TCP10L: variants seen among roughly 807,000 people sequenced by gnomAD.
The protein encoded by TCP10L is T-complex protein 10A homolog 1.
Under a neutral mutation model 19.2 loss-of-function variants are expected in TCP10L, and 11 were observed. The ratio of observed to expected loss-of-function variants is 0.57; its 90% confidence interval spans 0.36 to 0.95. TCP10L has a LOEUF of 0.95. Among genes scored for constraint, TCP10L ranks in the 40% least tolerant of loss-of-function variants. TCP10L has a pLI of 0.01. For synonymous variants in TCP10L, 96 were observed against 97.2 expected, an observed-to-expected ratio of 0.99 and a Z score of 0.07; for missense variants, 247 against 263.9, an observed-to-expected ratio of 0.94 and a Z score of 0.44.
At chr21:32,585,322 T>C (rs7279971) in intron 1 of TCP10L, 99 bp downstream of exon 1, 36,244 of 279,498 alleles carry the variant, frequency 0.13, 3,040 homozygotes, top group African/African-American at 0.25. Context: ...CCTGCTCCTC[T>C]GAGGGGACAC....
Position 32,584,211 on chromosome 21 carries a change from C to A in TCP10L, c.94G>T (p.Ala32Ser), listed in dbSNP as rs764508522. 4.3e-6 allele frequency: 7 copies of A among 1,614,142 alleles called. No individual in the cohort carries two copies. The highest frequency in any genetic ancestry group is 1.7e-4 in the Middle Eastern group (1 of 6,058). ...TCCGTGAGAACCTCGGCTGCCACAGCTGTCTTCTCCATGACAGCCCCAGCT... is the reference window on the plus strand; with the variant it reads ...TCCGTGAGAACCTCGGCTGCCACAGATGTCTTCTCCATGACAGCCCCAGCT... ...PGAGAVMEKT[A>S]VAAEVLTEDC... The change falls in exon 2 of 5, where the codon GCT becomes TCT. Residue 32 changes from alanine to serine, a missense_variant. Transcript: ENST00000300258.
chr21:32,580,830 T>C (rs2038485872), intron 3 of TCP10L, among the ~76,000 whole-genome samples: 1 of 152,162 alleles, frequency 6.6e-6, no homozygotes, highest in South Asian at 2.1e-4. Context: ...CAGTGTTCTG[T>C]AGAGGCAGGC....
intron 3 of TCP10L, among the ~76,000 whole-genome samples, chr21:32,580,179 C>T (rs1035992726): frequency 3.3e-5 from 5 of 152,080 alleles, no homozygotes; most frequent in African/African-American, 1.2e-4. Context: ...GATCTCGGCT[C>T]ACTGCAAGCT....
chr21:32,584,972 G>A (rs530452451), intron 1 of TCP10L, among the ~76,000 whole-genome samples: 1 of 152,168 alleles, frequency 6.6e-6, no homozygotes, highest in African/African-American at 2.4e-5. Context: ...AAAAACGAAA[G>A]AGAAAAACGC....
rs371645568 is a variant in TCP10L, at chr21:32,584,282, G to A, written c.23C>T (p.Ala8Val). The A allele has an allele frequency of 6.2e-7, 1 of 1,613,736 alleles. No homozygotes were observed. Among genetic ancestry groups the A allele is most frequent in the African/African-American group, 1.3e-5 (1 of 74,904 alleles). MLAGQLE[A>V]RDPKEGTHPE... ...GTGGGTGCCCTCTTTGGGGTCCCTGGCCTCGAGTTGACCTGCCAGCATCCT... is the reference window on the plus strand; with the variant it reads ...GTGGGTGCCCTCTTTGGGGTCCCTGACCTCGAGTTGACCTGCCAGCATCCT... The change falls in exon 2 of 5, where the codon GCC becomes GTC. Residue 8 changes from alanine to valine, a missense_variant. Physicochemically the swap from Ala to Val is moderately conservative, Grantham distance 64. Transcript: ENST00000300258.
chr21:32,576,784 C>G lies in TCP10L; in HGVS notation c.638G>C (p.Gly213Ala), dbSNP rs1262960416. ...GRPTPCAERR[G>A]GV The stretch of plus-strand genomic sequence containing the variant: ...GCCACCTTTCCATCTTCAGACACCC[C>G]CCCGTCTCTCTGCACAGGGAGTTGG... The change falls in exon 5 of 5, where the codon GGG becomes GCG. Residue 213 changes from glycine (G) to alanine (A), a missense_variant. Coordinates refer to ENST00000300258, the MANE Select transcript of TCP10L (RefSeq NM_144659.7). The G allele has an allele frequency of 5.6e-6, 9 of 1,613,312 alleles. No homozygotes were observed. Among genetic ancestry groups the G allele is most frequent in the Non-Finnish European group, 7.6e-6 (9 of 1,179,828 alleles).
intron 3 of TCP10L, among the ~76,000 whole-genome samples, chr21:32,581,679 G>A (rs929268837): frequency 5.3e-5 from 8 of 152,124 alleles, no homozygotes; most frequent in African/African-American, 1.7e-4. Flanking sequence ...AACTTTTCCC[G>A]TTTCAACAGG....
chr21:32,576,137 C>A lies in TCP10L; in HGVS notation c.*637G>T. On this transcript the variant is annotated 3_prime_UTR_variant, in exon 5 of 5. Coordinates refer to ENST00000300258, the MANE Select transcript of TCP10L (RefSeq NM_144659.7). ...CATGTCCTTGCCATAGTAAGATGTT[C>A]TGCTCACGCGTATCCACGAGAAAGC... 1.2e-6 allele frequency: 1 copy of A among 850,726 alleles called. No individual in the cohort carries two copies. The allele number at this position is 850,726 out of a possible 1,614,324, so 52.7% of individuals were successfully genotyped here.
Position 32,576,462 on chromosome 21 carries a change from C to A in TCP10L, c.*312G>T. 2 of 655,436 alleles carry A rather than the reference C, an allele frequency of 3.1e-6. No individual in the cohort carries two copies. Among genetic ancestry groups the A allele is most frequent in the Non-Finnish European group, 5.1e-6 (2 of 390,848 alleles). 40.6% of individuals were successfully genotyped at this position (655,436 alleles called of 1,614,324 possible). On this transcript the variant is annotated 3_prime_UTR_variant, in exon 5 of 5. Transcript: ENST00000300258. ...CAAGACCCCAGGGCTCACCCAACAG[C>A]CCGACACTCCATACTACAAGGTGGG...
In TCP10L at chr21:32,582,629, G is replaced by C. The variant is rs1386053917; in HGVS notation, c.145-214C>G. On this transcript the variant is annotated intron_variant, in intron 2 of 4. Transcript: ENST00000300258. The surrounding 1 kb of genome is among the most constrained non-coding windows in gnomAD (Gnocchi z 4.2). The stretch of plus-strand genomic sequence containing the variant: ...TTTTCTTTTTTCAGGGTCTCACTCA[G>C]TCACTCAGGCTGGAGTGCAGTGGCA... Among the ~76,000 whole-genome samples the C allele has an allele frequency of 6.6e-6, 1 of 151,730 alleles. No individual in the cohort carries two copies. Among genetic ancestry groups the C allele is most frequent in the Non-Finnish European group, 1.5e-5 (1 of 67,978 alleles).
At position 32,573,793 on chromosome 21, in the gene TCP10L, C is replaced by T. The variant is rs936632095; in HGVS notation, c.*2981G>A. Among the ~76,000 whole-genome samples, 1 of 152,034 alleles carries T rather than the reference C, an allele frequency of 6.6e-6. No individual in the cohort carries two copies. The highest frequency in any genetic ancestry group is 2.4e-5 in the African/African-American group (1 of 41,394). ...ATGTTTGCTCTGGGGTCAGGGTGGC[C>T]ACAGTGACAACCGCCACATTCAACA... On this transcript the variant is annotated 3_prime_UTR_variant, in exon 5 of 5. Coordinates refer to ENST00000300258, the MANE Select transcript of TCP10L (RefSeq NM_144659.7).
At chr21:32,580,260 C>G (rs2038477512) in intron 3 of TCP10L, among the ~76,000 whole-genome samples, 1 of 151,334 alleles carries the variant, frequency 6.6e-6, no homozygotes, top group East Asian at 1.9e-4. Flanking sequence ...CACCCGCCAC[C>G]ACACCTGGCT....
chr21:32,580,482 G>A (rs1237059265), intron 3 of TCP10L, among the ~76,000 whole-genome samples: 1 of 140,824 alleles, frequency 7.1e-6, no homozygotes, highest in Non-Finnish European at 1.5e-5. Context: ...GTGCCTGTGT[G>A]TGTGTGTGTG....
chr21:32,583,985 G>A lies in TCP10L; in HGVS notation c.144+176C>T, dbSNP rs559202958. ...CTGCCTCCCATCCACCAAGAGATACGGTTGCAGAGGGGGAAAGAGCCACAT... is the reference window on the plus strand; with the variant it reads ...CTGCCTCCCATCCACCAAGAGATACAGTTGCAGAGGGGGAAAGAGCCACAT... On this transcript the variant is annotated intron_variant, in intron 2 of 4. Transcript: ENST00000300258. 7.9e-5 allele frequency among the ~76,000 whole-genome samples: 12 copies of A among 152,284 alleles called. No individual in the cohort carries two copies. The South Asian group carries it at 1.0e-3, about 13-fold the overall frequency.
In TCP10L at chr21:32,582,201, A is replaced by G. The variant is rs755765246; in HGVS notation, c.359T>C (p.Leu120Pro). Reference sequence around the variant, plus strand: ...AAAACATAAATGCGCTTTTGGTACCAGAGTGTGCGATTCTTGCCCCGCGTG... The same window carrying G: ...AAAACATAAATGCGCTTTTGGTACCGGAGTGTGCGATTCTTGCCCCGCGTG... ...SPHAGQESHTLALEPAFGKIS... is the reference protein window; with the variant it reads ...SPHAGQESHTPALEPAFGKIS... The change falls in exon 3 of 5, where the codon CTG (leucine) becomes CCG (proline). Residue 120 changes from leucine (L) to proline (P), a missense_variant and splice_region_variant. Transcript: ENST00000300258. This position sits in a 1 kb window ranked among gnomAD's most constrained non-coding sequence, Gnocchi z 4.2. 1.9e-6 allele frequency: 3 copies of G among 1,613,930 alleles called. No homozygotes were observed. Among genetic ancestry groups the G allele is most frequent in the South Asian group, 1.1e-5 (1 of 91,022 alleles).
intron 3 of TCP10L, among the ~76,000 whole-genome samples, chr21:32,581,474 G>A (rs1022691570): frequency 2.0e-5 from 3 of 152,194 alleles, no homozygotes; most frequent in Admixed American, 6.5e-5. Context: ...GCCTACGGAG[G>A]GGTAAACTGA....
Position 32,582,166 on chromosome 21 carries a change from A to G in TCP10L, c.360+34T>C, listed in dbSNP as rs1175567303. Reference sequence around the variant, plus strand: ...TGGGGACGCTATTTTTACATAACGCAAACGGTACAAAAACATAAATGCGCT... The same window carrying G: ...TGGGGACGCTATTTTTACATAACGCGAACGGTACAAAAACATAAATGCGCT... On this transcript the variant is annotated intron_variant, in intron 3 of 4. Transcript: ENST00000300258. This position sits in a 1 kb window ranked among gnomAD's most constrained non-coding sequence, Gnocchi z 4.2. The G allele has an allele frequency of 1.3e-5, 21 of 1,607,906 alleles. No individual in the cohort carries two copies. The highest frequency in any genetic ancestry group is 1.8e-5 in the Non-Finnish European group (21 of 1,176,200).
intron 1 of TCP10L, among the ~76,000 whole-genome samples, 164 bp from the exon 2 acceptor site, chr21:32,584,469 G>C (rs901427792): frequency 6.6e-6 from 1 of 152,184 alleles, no homozygotes; most frequent in Non-Finnish European, 1.5e-5. Flanking sequence ...CTGACCAGGT[G>C]AAAGGACACC....
Position 32,575,552 on chromosome 21 carries a change from GC to G in TCP10L, c.*1221del, listed in dbSNP as rs1314523078. On this transcript the variant is annotated 3_prime_UTR_variant, in exon 5 of 5. Coordinates refer to ENST00000300258, the MANE Select transcript of TCP10L (RefSeq NM_144659.7). ...AGCCCAGGGCGAGTGGTGCCCACAG[GC>G]TTGGGCTGTGCTGTGCATAAGGGCC... 1 of 152,518 alleles carries G rather than the reference GC, an allele frequency of 6.6e-6. No individual in the cohort carries two copies. Among genetic ancestry groups the G allele is most frequent in the Non-Finnish European group, 1.5e-5 (1 of 68,108 alleles). 9.4% of individuals were successfully genotyped at this position (152,518 alleles called of 1,614,324 possible).
Sources: allele counts gnomAD v4.1 joint callset (sites outside exome capture counted in the v4.1 genomes callset), GRCh38; gene constraint gnomAD v4.1.1; non-coding constraint Gnocchi (gnomAD v3.1); transcripts MANE v1.5; gene names NCBI Gene and HGNC (gene_info 2026-07-23, HGNC 2026-07-21).